Variants in RANBP2 observed in about 807,000 individuals in gnomAD.
The protein encoded by RANBP2 is RAN binding protein 2, also known as E3 SUMO-protein ligase RanBP2.
A neutral mutation model predicts 303.6 loss-of-function variants in RANBP2; 57 were observed. The observed-to-expected ratio is 0.19, with a 90% CI of 0.15 to 0.23. The LOEUF is 0.23. Among genes scored for constraint, RANBP2 ranks in the 10% least tolerant of loss-of-function variants. RANBP2 has a pLI of 1.00. For synonymous variants in RANBP2, 1,167 were observed against 1,301.5 expected (o/e 0.90, Z 2.23); for missense variants, 3,138 against 3,780.8 (o/e 0.83, Z 4.46).
chr2:109,565,756 CA>C, the RANBP2 span: 1 of 1,610,794 alleles, frequency 6.2e-7, no homozygotes, highest in Non-Finnish European at 8.5e-7. Flanking sequence ...TCCTTTGTCT[CA>C]TTTACCTTGT....
the RANBP2 span, among the ~76,000 whole-genome samples, chr2:109,259,693 A>G: frequency 6.6e-6 from 1 of 152,232 alleles, no homozygotes; most frequent in Non-Finnish European, 1.5e-5. Context: ...CGGCCTACGG[A>G]AGAAGAATTT....
At chr2:109,209,768 C>T in the RANBP2 span, among the ~76,000 whole-genome samples, 1 of 152,114 alleles carries the variant, frequency 6.6e-6, no homozygotes, top group Non-Finnish European at 1.5e-5. Flanking sequence ...GTTTGTTCAC[C>T]TCCTGTGCTT....
chr2:108,879,831 C>G, the RANBP2 span, among the ~76,000 whole-genome samples: 6 of 152,136 alleles, frequency 3.9e-5, no homozygotes, highest in South Asian at 8.3e-4. Context: ...AGAGTTGTGA[C>G]TAGAGTCCTT....
At chr2:109,737,342 C>CCACCCCTT in the RANBP2 span, 110 of 689,754 alleles carry the variant, frequency 1.6e-4, no homozygotes, top group Non-Finnish European at 2.4e-4. Flanking sequence ...TTGACGGTCA[C>CCACCCCTT]CACCCCTTCG....
the RANBP2 span, among the ~76,000 whole-genome samples, chr2:109,499,535 C>T: frequency 2.0e-5 from 3 of 152,184 alleles, no homozygotes; most frequent in African/African-American, 7.2e-5. Context: ...GCAAGCATGC[C>T]CCTGTGGAGT....
At chr2:108,898,306 C>T in the RANBP2 span, among the ~76,000 whole-genome samples, 16 of 152,252 alleles carry the variant, frequency 1.1e-4, no homozygotes, top group South Asian at 2.9e-3. Context: ...CCTCTGCCCC[C>T]GTGGTGACCA....
chr2:109,651,133 A>T, the RANBP2 span, among the ~76,000 whole-genome samples: 1 of 152,270 alleles, frequency 6.6e-6, no homozygotes, highest in Non-Finnish European at 1.5e-5. Flanking sequence ...AGGGAGAGGC[A>T]AAGTCCCAGC....
At chr2:109,501,748 A>G in the RANBP2 span, 3 of 678,256 alleles carry the variant, frequency 4.4e-6, no homozygotes, top group East Asian at 8.1e-5. Flanking sequence ...AGAGGGAGCC[A>G]TGGCGCCCCA....
chr2:108,901,968 G>GGA, the RANBP2 span, among the ~76,000 whole-genome samples: 1 of 152,156 alleles, frequency 6.6e-6, no homozygotes, highest in Non-Finnish European at 1.5e-5. Flanking sequence ...GGCTGGGCAT[G>GGA]GTGGCTCAAG....
the RANBP2 span, among the ~76,000 whole-genome samples, chr2:109,475,185 G>A: frequency 6.6e-6 from 1 of 152,086 alleles, no homozygotes; most frequent in Non-Finnish European, 1.5e-5. Flanking sequence ...CACCATGTTG[G>A]CTAGGATGGT....
At chr2:108,969,177 G>C in the RANBP2 span, among the ~76,000 whole-genome samples, 2 of 151,956 alleles carry the variant, frequency 1.3e-5, no homozygotes, top group Non-Finnish European at 1.5e-5. Flanking sequence ...GGCTGGTCTT[G>C]ATCTCTAGCA....
chr2:109,531,579 T>C, the RANBP2 span, among the ~76,000 whole-genome samples: 1 of 152,184 alleles, frequency 6.6e-6, no homozygotes, highest in Non-Finnish European at 1.5e-5. Context: ...TGGCTGCTCA[T>C]TGGAATCATG....
the RANBP2 span, among the ~76,000 whole-genome samples, chr2:109,056,340 A>G: frequency 3.3e-5 from 5 of 151,726 alleles, no homozygotes; most frequent in Non-Finnish European, 7.4e-5. Flanking sequence ...CTAACTTTTG[A>G]ATTTTTTTGT....
chr2:109,090,801 T>C, the RANBP2 span, among the ~76,000 whole-genome samples: 1 of 152,186 alleles, frequency 6.6e-6, no homozygotes, highest in African/African-American at 2.4e-5. Flanking sequence ...TTTTTTTAGA[T>C]AACAGTAATA....
chr2:109,641,539 A>G, the RANBP2 span, among the ~76,000 whole-genome samples: 1 of 152,210 alleles, frequency 6.6e-6, no homozygotes, highest in Non-Finnish European at 1.5e-5. Context: ...AGCCTACAGT[A>G]GTCAAATTCA....
the RANBP2 span, among the ~76,000 whole-genome samples, chr2:109,603,550 T>C: frequency 2.0e-4 from 30 of 152,272 alleles, no homozygotes; most frequent in South Asian, 2.3e-3. Context: ...CATAATATTA[T>C]TTTTAAAGCC....
chr2:108,800,049 CTATG>C, the RANBP2 span, among the ~76,000 whole-genome samples: 1 of 152,070 alleles, frequency 6.6e-6, no homozygotes, highest in South Asian at 2.1e-4. Flanking sequence ...AGTTTAAAAA[CTATG>C]TATCACCTGT....
the RANBP2 span, among the ~76,000 whole-genome samples, chr2:109,460,527 C>T: frequency 1.3e-5 from 2 of 152,186 alleles, no homozygotes; most frequent in Non-Finnish European, 2.9e-5. Context: ...GTCCACTGGG[C>T]AATGACAGGA....
the RANBP2 span, among the ~76,000 whole-genome samples, chr2:109,248,754 T>TTC: frequency 6.8e-3 from 1,027 of 151,518 alleles, 3 homozygotes; most frequent in African/African-American, 8.3e-3. Flanking sequence ...CTTTCCTTCC[T>TTC]TCTCTCTCTC....
Sources: gnomAD v4.1 joint callset for allele counts (sites outside exome capture counted in the v4.1 genomes callset) on GRCh38, gnomAD v4.1.1 for gene constraint, MANE v1.5 for transcripts, NCBI Gene and HGNC (gene_info 2026-07-23, HGNC 2026-07-21) for gene names.